Variants in GBP5 observed in about 807,000 individuals in gnomAD.
GBP5 encodes guanylate-binding protein 5.
GBP5 carries 48 observed loss-of-function variants against 58.2 expected under a neutral mutation model. The observed-to-expected ratio is 0.83, with a 90% CI of 0.65 to 1.05. The LOEUF is 1.05. GBP5 is among the 50% of genes least tolerant of loss of function. GBP5 has a pLI of 0.00. For synonymous variants in GBP5, 248 were observed against 251.8 expected (o/e 0.98, Z 0.14); for missense variants, 714 against 686.8 (o/e 1.04, Z -0.44).
At chr1:89,264,570 A>T in intron 8 of GBP5, 116 bp downstream of exon 8, 1 of 851,236 alleles carries the variant, frequency 1.2e-6, no homozygotes, top group Non-Finnish European at 1.9e-6. Flanking sequence ...TCATGGCTAT[A>T]TATTATTATT....
Position 89,262,365 on chromosome 1 carries a change from G to T in GBP5, c.1502C>A (p.Ala501Glu). The T allele has an allele frequency of 6.2e-7, 1 of 1,613,924 alleles. No individual in the cohort carries two copies. Among genetic ancestry groups the T allele is most frequent in the Non-Finnish European group, 8.5e-7 (1 of 1,179,982 alleles). Residue 501 changes from alanine (A) to glutamate (E), a missense_variant, in exon 11 of 12, where the codon GCG (alanine) becomes GAG (glutamate). By Grantham distance (107) the Ala-to-Glu change is moderately radical. Transcript: ENST00000370459. ...QVKAEAEKAE[A>E]QRLAAIQRQN... Reference sequence around the variant, plus strand: ...CCTTTGAATCGCCGCCAACCTTTGCGCTTCAGCCTTTTCAGCTTCTGCTTT... The same window carrying T: ...CCTTTGAATCGCCGCCAACCTTTGCTCTTCAGCCTTTTCAGCTTCTGCTTT...
intron 9 of GBP5, 126 bp from the exon 10 acceptor site, chr1:89,262,911 C>A: frequency 3.3e-6 from 2 of 597,770 alleles, no homozygotes; most frequent in South Asian, 4.4e-5. Flanking sequence ...AGGAGAGGCT[C>A]CATAGGAGAG....
chr1:89,268,484 A>C (rs1287440651), intron 4 of GBP5, among the ~76,000 whole-genome samples: 1 of 152,114 alleles, frequency 6.6e-6, no homozygotes, highest in Non-Finnish European at 1.5e-5. Context: ...TATATGCATC[A>C]TGTTTATGCA....
At position 89,256,310 on chromosome 1, in the gene GBP5, T is replaced by G. The variant is rs1017462790; in HGVS notation, c.*4394A>C. 5.9e-5 allele frequency among the ~76,000 whole-genome samples: 9 copies of G among 152,290 alleles called. No individual in the cohort carries two copies. The highest frequency in any genetic ancestry group is 2.2e-4 in the African/African-American group (9 of 41,570). On this transcript the variant is annotated 3_prime_UTR_variant, in exon 12 of 12. Transcript: ENST00000370459. ...AAACAAAATTACATTACTTAGGAGCTCACATGTTTATAATAAAATCCTAGA... is the reference window on the plus strand; with the variant it reads ...AAACAAAATTACATTACTTAGGAGCGCACATGTTTATAATAAAATCCTAGA...
At chr1:89,265,345 T>C (rs1426115251) in intron 7 of GBP5, among the ~76,000 whole-genome samples, 1 of 151,712 alleles carries the variant, frequency 6.6e-6, no homozygotes, top group African/African-American at 2.4e-5. Flanking sequence ...CTTTCTGTTC[T>C]CTTCAGAATT....
At chr1:89,262,505 G>T in intron 10 of GBP5, 104 bp from the exon 11 acceptor site, 2 of 1,140,804 alleles carry the variant, frequency 1.8e-6, no homozygotes, top group South Asian at 1.5e-5. Context: ...ATTCCCAGGG[G>T]TTGTTTTTCC....
chr1:89,269,699 A>C, intron 2 of GBP5, 125 bp from the exon 3 acceptor site: 1 of 558,236 alleles, frequency 1.8e-6, no homozygotes, highest in Non-Finnish European at 3.1e-6. Context: ...TCTGGAAAAA[A>C]AAAGTTTTAA....
intron 4 of GBP5, among the ~76,000 whole-genome samples, chr1:89,267,788 C>G (rs1650286056): frequency 6.6e-6 from 1 of 152,080 alleles, no homozygotes; most frequent in Non-Finnish European, 1.5e-5. Flanking sequence ...CATTTTCCAG[C>G]ACATAAAACA....
At position 89,257,993 on chromosome 1, in the gene GBP5, A is replaced by G. The variant is rs1649849455; in HGVS notation, c.*2711T>C. ...TTGATTTCACAACAGTAAGACAAAG[A>G]AAGTCAGAAAATATAAGCTACTTAC... On this transcript the variant is annotated 3_prime_UTR_variant, in exon 12 of 12. Transcript: ENST00000370459. Among the ~76,000 whole-genome samples the G allele has an allele frequency of 6.6e-6, 1 of 152,236 alleles. No homozygotes were observed. The highest frequency in any genetic ancestry group is 1.5e-5 in the Non-Finnish European group (1 of 68,040).
chr1:89,264,555 T>C, intron 8 of GBP5, 131 bp downstream of exon 8: 1 of 748,834 alleles, frequency 1.3e-6, no homozygotes, highest in Non-Finnish European at 2.2e-6. Flanking sequence ...AGAATAAAAG[T>C]GGTGTCATGG....
At chr1:89,266,264 T>A in intron 7 of GBP5, 82 bp downstream of exon 7, 2 of 1,217,698 alleles carry the variant, frequency 1.6e-6, no homozygotes, top group Non-Finnish European at 2.3e-6. Flanking sequence ...TTGTCAACAT[T>A]GACAATGCAA....
Position 89,260,553 on chromosome 1 carries a change from C to T in GBP5, c.*151G>A. 1.7e-6 allele frequency: 1 copy of T among 575,756 alleles called. No homozygotes were observed. The highest frequency in any genetic ancestry group is 3.1e-6 in the Non-Finnish European group (1 of 324,280). The allele number at this position is 575,756 out of a possible 1,614,324, so 35.7% of individuals were successfully genotyped here. A position where few individuals can be genotyped will look rare whatever the true frequency, so the allele number is the denominator to read the frequency against. On this transcript the variant is annotated 3_prime_UTR_variant, in exon 12 of 12. Transcript: ENST00000370459. ...ACTGGGATGTACATTTTACCAGATA[C>T]CAGCATCATAATCTTATAACTCTAT...
At chr1:89,261,524 G>A (rs1403851467) in intron 11 of GBP5, among the ~76,000 whole-genome samples, 2 of 152,188 alleles carry the variant, frequency 1.3e-5, no homozygotes, top group African/African-American at 4.8e-5. Context: ...TGTGATATTT[G>A]CATTGATTAT....
chr1:89,260,993 C>T (rs886555927), intron 11 of GBP5, among the ~76,000 whole-genome samples, 176 bp from the exon 12 acceptor site: 1 of 152,196 alleles, frequency 6.6e-6, no homozygotes, highest in East Asian at 1.9e-4. Flanking sequence ...CTTTCTCTAG[C>T]TCCAGAAATG....
rs115077978 is a variant in GBP5 at position 89,258,629 on chromosome 1, C to T, written c.*2075G>A. Reference sequence around the variant, plus strand: ...AAAAAGAGCAGACACTAAAATTTTTCGGCTTTTTTCTGTATATAAGTAAAT... The same window carrying T: ...AAAAAGAGCAGACACTAAAATTTTTTGGCTTTTTTCTGTATATAAGTAAAT... On this transcript the variant is annotated 3_prime_UTR_variant, in exon 12 of 12. Coordinates refer to ENST00000370459, the MANE Select transcript of GBP5 (RefSeq NM_052942.5). Among the ~76,000 whole-genome samples the T allele has an allele frequency of 0.014, 2,074 of 152,110 alleles. 41 individuals are homozygous for T. Among genetic ancestry groups the T allele is most frequent in the African/African-American group, 0.047 (1,958 of 41,494 alleles).
chr1:89,267,582 T>C, intron 4 of GBP5, 56 bp from the exon 5 acceptor site: 1 of 1,030,300 alleles, frequency 9.7e-7, no homozygotes, highest in East Asian at 2.4e-5. Context: ...ATGAGCGATA[T>C]TTAAAAATAG....
At chr1:89,269,683 T>C in intron 2 of GBP5, 109 bp from the exon 3 acceptor site, 1 of 629,720 alleles carries the variant, frequency 1.6e-6, no homozygotes. Flanking sequence ...CAGCACTGCC[T>C]AAGTTTCTGG....
In GBP5 at chr1:89,272,815, A is replaced by T. The variant is rs1650515025; in HGVS notation, c.-491T>A. The T allele has an allele frequency of 6.5e-6, 1 of 153,028 alleles. No individual in the cohort carries two copies. The highest frequency in any genetic ancestry group is 6.5e-5 in the Admixed American group (1 of 15,318). The allele number at this position is 153,028 out of a possible 1,614,324, so 9.5% of individuals were successfully genotyped here. ...GTGAGCAGCAGCAAGATTTATTGCA[A>T]AGAGTGAAAGAACAAAGGTTCCACA... On this transcript the variant is annotated 5_prime_UTR_variant, in exon 1 of 12. The change creates a new upstream start codon in the 5' untranslated region. Transcript: ENST00000370459.
chr1:89,263,497 G>C (rs1165243985), intron 9 of GBP5: 1 of 404,672 alleles, frequency 2.5e-6, no homozygotes, highest in African/African-American at 2.0e-5. Flanking sequence ...AGCAAGTCTG[G>C]TGATTATGGT....
Sources: allele counts gnomAD v4.1 joint callset (sites outside exome capture counted in the v4.1 genomes callset), GRCh38; gene constraint gnomAD v4.1.1; transcripts MANE v1.5; gene names NCBI Gene and HGNC (gene_info 2026-07-23, HGNC 2026-07-21).